FRAS1: variants seen among roughly 807,000 people sequenced by gnomAD.
FRAS1 encodes extracellular matrix organizing protein FRAS1.
Under a neutral mutation model 435.2 loss-of-function variants are expected in FRAS1, and 290 were observed. The ratio of observed to expected loss-of-function variants is 0.67; its 90% CI spans 0.61 to 0.73. FRAS1 has a LOEUF of 0.73. Ranked by LOEUF, FRAS1 falls within the 30% of genes least tolerant of loss-of-function variation. FRAS1 has a pLI of 0.00. For missense variants in FRAS1, 4,860 were observed against 5,001.5 expected (o/e 0.97, Z 0.85); for synonymous variants, 1,800 against 1,851.0 (o/e 0.97, Z 0.71).
At chr4:78,394,331 C>A (rs908924997) in intron 29 of FRAS1, among the ~76,000 whole-genome samples, 9 of 151,924 alleles carry the variant, frequency 5.9e-5, no homozygotes, top group African/African-American at 1.9e-4. Flanking sequence ...TCTTCTAGGT[C>A]TTTCACAGTT....
At chr4:78,138,933 A>G (rs1187088723) in intron 2 of FRAS1, among the ~76,000 whole-genome samples, 1 of 152,150 alleles carries the variant, frequency 6.6e-6, no homozygotes, top group Non-Finnish European at 1.5e-5. Flanking sequence ...AAGTTCTGGC[A>G]CCTGGGATTA....
intron 2 of FRAS1, among the ~76,000 whole-genome samples, chr4:78,076,836 G>C (rs1037768363): frequency 3.3e-5 from 5 of 152,082 alleles, no homozygotes; most frequent in African/African-American, 1.2e-4. Context: ...CACTTTAGAG[G>C]AATCAAACTG....
chr4:78,292,409 A>G (rs949928780), intron 14 of FRAS1, among the ~76,000 whole-genome samples: 27 of 152,344 alleles, frequency 1.8e-4, no homozygotes, highest in African/African-American at 6.3e-4. Context: ...AAAAAAACCT[A>G]TAAAATTTAC....
At chr4:78,449,771 G>T (rs1308866719) in intron 44 of FRAS1, among the ~76,000 whole-genome samples, 1 of 152,172 alleles carries the variant, frequency 6.6e-6, no homozygotes, top group Admixed American at 6.5e-5. Flanking sequence ...TGATTCTCAA[G>T]ACAGTAAGTA....
At chr4:78,114,733 T>TA (rs1743020607) in intron 2 of FRAS1, among the ~76,000 whole-genome samples, 1 of 152,188 alleles carries the variant, frequency 6.6e-6, no homozygotes, top group African/African-American at 2.4e-5. Flanking sequence ...TTTGGGCTGA[T>TA]ACGATGGGGT....
intron 30 of FRAS1, among the ~76,000 whole-genome samples, chr4:78,403,359 T>C (rs1343451943): frequency 6.6e-6 from 1 of 152,188 alleles, no homozygotes; most frequent in Non-Finnish European, 1.5e-5. Flanking sequence ...CTGTAACTCT[T>C]TTAATTAACT....
rs767217016 is a variant in FRAS1, at chr4:78,265,025, G to C, written c.604G>C (p.Asp202His). The C allele has an allele frequency of 6.3e-7, 1 of 1,595,112 alleles. No homozygotes were observed. Among genetic ancestry groups the C allele is most frequent in the Non-Finnish European group, 8.6e-7 (1 of 1,163,182 alleles). Residue 202 changes from aspartate (D) to histidine (H), a missense_variant and splice_region_variant, in exon 7 of 74, where the codon GAT becomes CAT. Physicochemically the swap from Asp to His is moderately conservative, Grantham distance 81 (BLOSUM62 -1). Transcript: ENST00000512123. ...AQCQPLFCNQ[D>H]ETVVRVPGKC... is the part of the protein sequence containing the mutation. ...GATTGTTCCTGTTCTGCGTGTTAAG[G>C]ATGAGACTGTAGTCCGAGTCCCTGG...
intron 50 of FRAS1, among the ~76,000 whole-genome samples, chr4:78,466,981 G>A (rs902315411): frequency 2.6e-5 from 4 of 151,670 alleles, no homozygotes; most frequent in Non-Finnish European, 5.9e-5. Flanking sequence ...TATATTTATG[G>A]GGTACATGAG....
At chr4:78,128,174 C>T (rs1246443412) in intron 2 of FRAS1, among the ~76,000 whole-genome samples, 3 of 151,964 alleles carry the variant, frequency 2.0e-5, no homozygotes, top group African/African-American at 7.3e-5. Flanking sequence ...TGGGTTGGTT[C>T]CAAGTCTTTG....
At chr4:78,464,718 A>G in intron 49 of FRAS1, 135 bp downstream of exon 49, 1 of 889,014 alleles carries the variant, frequency 1.1e-6, no homozygotes, top group Non-Finnish European at 1.7e-6. Context: ...AAGGATTAAA[A>G]TACAGAAGAT....
chr4:78,307,471 C>T (rs539637563), intron 14 of FRAS1, among the ~76,000 whole-genome samples: 277 of 152,306 alleles, frequency 1.8e-3, no homozygotes, highest in African/African-American at 6.4e-3. Context: ...GCCTTGCTGC[C>T]GCCTTGCAGT....
chr4:78,507,746 C>A, intron 62 of FRAS1, 138 bp downstream of exon 62: 1 of 788,200 alleles, frequency 1.3e-6, no homozygotes, highest in Non-Finnish European at 1.9e-6. Context: ...CCATCATCCC[C>A]TTTCCAGAGG....
At chr4:78,526,435 C>T in intron 69 of FRAS1, 106 bp from the exon 70 acceptor site, 1 of 668,808 alleles carries the variant, frequency 1.5e-6, no homozygotes, top group South Asian at 2.0e-5. Context: ...AGATGCTGGA[C>T]ACAAATACCA....
rs1731663977 is a variant in FRAS1, at chr4:78,374,240, A to G, written c.3140A>G (p.His1047Arg). 1 of 1,588,484 alleles carries G rather than the reference A, an allele frequency of 6.3e-7. No homozygotes were observed. The highest frequency in any genetic ancestry group is 8.6e-7 in the Non-Finnish European group (1 of 1,163,284). Residue 1047 changes from histidine (H) to arginine (R), a missense_variant, in exon 25 of 74, where the codon CAC (histidine) becomes CGC (arginine). Physicochemically the swap from His to Arg is conservative, Grantham distance 29. Transcript: ENST00000512123. ...GKGYFADHAK[H>R]KCTACPQGCL... The stretch of plus-strand genomic sequence containing the variant: ...GGGTACTTTGCAGATCATGCAAAGC[A>G]CAAATGCACAGGTAACTTGGAGACT...
intron 9 of FRAS1, among the ~76,000 whole-genome samples, chr4:78,273,030 T>G (rs539998734): frequency 6.6e-6 from 1 of 152,216 alleles, no homozygotes; most frequent in Non-Finnish European, 1.5e-5. Context: ...GTCCTTCATA[T>G]CCCTTGTAAG....
chr4:78,095,663 A>G (rs1741766181), intron 2 of FRAS1, among the ~76,000 whole-genome samples: 1 of 152,254 alleles, frequency 6.6e-6, no homozygotes, highest in African/African-American at 2.4e-5. Flanking sequence ...GGATGGCAGC[A>G]GGCAAAAAGA....
chr4:78,468,933 T>A (rs1175180426), intron 50 of FRAS1, among the ~76,000 whole-genome samples: 1 of 152,226 alleles, frequency 6.6e-6, no homozygotes, highest in Non-Finnish European at 1.5e-5. Context: ...CTCTGTGTCC[T>A]TTAGAGACAA....
chr4:78,117,691 A>G (rs1449507759), intron 2 of FRAS1, among the ~76,000 whole-genome samples: 1 of 152,034 alleles, frequency 6.6e-6, no homozygotes, highest in East Asian at 1.9e-4. Context: ...AGGTCTTTTG[A>G]AGATTTCTCT....
chr4:78,415,378 A>T (rs28498958), intron 32 of FRAS1, among the ~76,000 whole-genome samples: 178 of 152,316 alleles, frequency 1.2e-3, no homozygotes, highest in East Asian at 5.0e-3. Context: ...ATAAAAAATT[A>T]AAAAAATTAA....
Sources: gnomAD v4.1 joint callset for allele counts (sites outside exome capture counted in the v4.1 genomes callset) on GRCh38, gnomAD v4.1.1 for gene constraint, MANE v1.5 for transcripts, NCBI Gene and HGNC (gene_info 2026-07-23, HGNC 2026-07-21) for gene names.